The following CNBD1 variants were observed in gnomAD, a reference collection of about 807,000 sequenced individuals.
CNBD1 encodes cyclic nucleotide-binding domain-containing protein 1.
Under a neutral mutation model 54.4 loss-of-function variants are expected in CNBD1, and 71 were observed. The ratio of observed to expected loss-of-function variants is 1.30; its 90% CI spans 1.08 to 1.59. The LOEUF is 1.59. Ranked by LOEUF, CNBD1 falls within the 40% of genes most tolerant of loss-of-function variation. CNBD1 has a pLI of 0.00. For synonymous variants in CNBD1, 182 were observed against 170.7 expected (o/e 1.07, Z -0.51); for missense variants, 659 against 518.0 (o/e 1.27, Z -2.64).
At position 87,217,972 on chromosome 8, in the gene CNBD1, A is replaced by G. The variant is rs186164148; in HGVS notation, c.577+11834A>G. Reference sequence around the variant, plus strand: ...GCAAATTTTAAAAGCTTGATGGTATATAACTTGGAGTCAGAAAAAACACCT... The same window carrying G: ...GCAAATTTTAAAAGCTTGATGGTATGTAACTTGGAGTCAGAAAAAACACCT... On this transcript the variant is annotated intron_variant, in intron 5 of 10. Coordinates refer to ENST00000518476, the MANE Select transcript of CNBD1 (RefSeq NM_173538.3). Among the ~76,000 whole-genome samples the G allele has an allele frequency of 2.1e-3, 320 of 152,240 alleles. 1 individual carries two copies. Among genetic ancestry groups the G allele is most frequent in the Non-Finnish European group, 3.8e-3 (258 of 67,968 alleles).
chr8:86,979,402 C>CAGA (rs1808417401), intron 4 of CNBD1, among the ~76,000 whole-genome samples: 1 of 10,392 alleles, frequency 9.6e-5, no homozygotes, highest in Non-Finnish European at 1.5e-4. Flanking sequence ...ATCATCTCTA[C>CAGA]AAAAAAAAAA....
chr8:87,132,262 TAAC>T (rs1469779246), intron 4 of CNBD1, among the ~76,000 whole-genome samples: 2 of 151,868 alleles, frequency 1.3e-5, no homozygotes, highest in Non-Finnish European at 2.9e-5. Flanking sequence ...AAAATAGCCA[TAAC>T]AACATTTTAG....
chr8:87,357,139 T>G (rs1440631981), intron 10 of CNBD1, among the ~76,000 whole-genome samples: 1 of 152,110 alleles, frequency 6.6e-6, no homozygotes, highest in Non-Finnish European at 1.5e-5. Context: ...CAGAAAGCCT[T>G]CCAGAGAGAA....
intron 4 of CNBD1, among the ~76,000 whole-genome samples, chr8:86,990,273 G>C (rs1233734860): frequency 3.3e-5 from 5 of 152,086 alleles, no homozygotes; most frequent in African/African-American, 1.2e-4. Context: ...TCTTTGCCTA[G>C]ACCAGCGTCC....
chr8:87,302,372 A>G (rs891311307), intron 8 of CNBD1, among the ~76,000 whole-genome samples: 1 of 152,148 alleles, frequency 6.6e-6, no homozygotes, highest in African/African-American at 2.4e-5. Flanking sequence ...ATAGAAACAG[A>G]ACCAATTACA....
intron 1 of CNBD1, 74 bp from the exon 2 acceptor site, chr8:86,887,468 A>G (rs549739886): frequency 1.1e-4 from 98 of 911,160 alleles, no homozygotes; most frequent in Non-Finnish European, 1.5e-4. Flanking sequence ...AATGTTTGCA[A>G]TTAAACTCTA....
chr8:87,327,367 G>T (rs371761784), intron 8 of CNBD1, among the ~76,000 whole-genome samples: 52 of 149,286 alleles, frequency 3.5e-4, no homozygotes, highest in African/African-American at 6.7e-4. Context: ...GTTTACCTAA[G>T]CAAGCCTGGG....
rs776314074 is a variant in CNBD1, at chr8:87,110,694, A to G, written c.432-95299A>G. On this transcript the variant is annotated intron_variant, in intron 4 of 10. Transcript: ENST00000518476. ...GCATAATTTACAAAATATCATCAAC[A>G]TAATGGACTTATTTGATGTTCTTTG... Among the ~76,000 whole-genome samples the G allele has an allele frequency of 5.9e-5, 9 of 152,264 alleles. 1 individual carries two copies. The South Asian group carries it at 6.2e-4, about 10-fold the overall frequency.
At chr8:87,390,656 G>A (rs1212049317) in intron 2 of CNBD1, among the ~76,000 whole-genome samples, 1 of 152,134 alleles carries the variant, frequency 6.6e-6, no homozygotes, top group African/African-American at 2.4e-5. Context: ...CTATAAACTA[G>A]TTCAACCATT....
chr8:87,387,055 C>T (rs1442437457), downstream of CNBD1, among the ~76,000 whole-genome samples: 1 of 152,146 alleles, frequency 6.6e-6, no homozygotes, highest in African/African-American at 2.4e-5. Flanking sequence ...CAAGGAAATG[C>T]TGAGAGATTC....
intron 8 of CNBD1, among the ~76,000 whole-genome samples, chr8:87,296,349 G>A (rs1808875245): frequency 6.6e-6 from 1 of 152,060 alleles, no homozygotes; most frequent in African/African-American, 2.4e-5. Flanking sequence ...AATGAACAAA[G>A]ATAGAGCCCA....
At chr8:87,005,097 G>A (rs1485569362) in intron 4 of CNBD1, among the ~76,000 whole-genome samples, 2 of 151,614 alleles carry the variant, frequency 1.3e-5, no homozygotes, top group Admixed American at 6.6e-5. Context: ...GAAAAAGAAA[G>A]TCTCAGCAGG....
At chr8:87,148,308 G>C (rs1011635041) in intron 4 of CNBD1, among the ~76,000 whole-genome samples, 1 of 152,156 alleles carries the variant, frequency 6.6e-6, no homozygotes, top group Non-Finnish European at 1.5e-5. Context: ...TTGCCTTAGA[G>C]ATGGCGTGAT....
intron 4 of CNBD1, among the ~76,000 whole-genome samples, chr8:87,038,738 G>T (rs1317766710): frequency 6.6e-6 from 1 of 152,160 alleles, no homozygotes; most frequent in Admixed American, 6.5e-5. Context: ...TAAACTAAAT[G>T]TCTTCCAAAG....
chr8:87,351,757 G>A lies in CNBD1; in HGVS notation c.1115G>A (p.Ser372Asn). The A allele has an allele frequency of 6.6e-7, 1 of 1,523,080 alleles. No homozygotes were observed. Among genetic ancestry groups the A allele is most frequent in the Non-Finnish European group, 8.8e-7 (1 of 1,140,970 alleles). 94.3% of individuals were successfully genotyped at this position (1,523,080 alleles called of 1,614,324 possible). A position where few individuals can be genotyped will look rare whatever the true frequency, so the allele number is the denominator to read the frequency against. Residue 372 changes from serine to asparagine, a missense_variant, in exon 9 of 11, where the codon AGT becomes AAT. By Grantham distance (46) the Ser-to-Asn change is conservative. Coordinates refer to ENST00000518476, the MANE Select transcript of CNBD1 (RefSeq NM_173538.3). ...TCTGGATGCTGTAACATTTATAGAA[G>A]TATTATAGGATTTGTGAAACTACGA... ...INSGCCNIYR[S>N]IIGFVKLRSN...
chr8:87,379,081 A>T (rs1250755979), intron 10 of CNBD1, among the ~76,000 whole-genome samples: 1 of 151,244 alleles, frequency 6.6e-6, no homozygotes, highest in Non-Finnish European at 1.5e-5. Context: ...TTCTAGATAT[A>T]CAATCATGTC....
intron 8 of CNBD1, among the ~76,000 whole-genome samples, chr8:87,287,214 G>A (rs1018510624): frequency 6.6e-6 from 1 of 152,118 alleles, no homozygotes; most frequent in Non-Finnish European, 1.5e-5. Context: ...GGATTTCCTG[G>A]ATTATGTGTA....
At chr8:87,271,481 T>C (rs1003609187) in intron 6 of CNBD1, among the ~76,000 whole-genome samples, 4 of 152,020 alleles carry the variant, frequency 2.6e-5, no homozygotes, top group Non-Finnish European at 5.9e-5. Flanking sequence ...TTTTAAATTT[T>C]CTTCTTAAGT....
chr8:87,132,666 A>G (rs1563480823), intron 4 of CNBD1, among the ~76,000 whole-genome samples: 1 of 147,640 alleles, frequency 6.8e-6, no homozygotes, highest in Admixed American at 6.8e-5. Flanking sequence ...TATATCTAAT[A>G]TATATGATAT....
Sources: allele counts gnomAD v4.1 joint callset (sites outside exome capture counted in the v4.1 genomes callset), GRCh38; gene constraint gnomAD v4.1.1; transcripts MANE v1.5; gene names NCBI Gene and HGNC (gene_info 2026-07-23, HGNC 2026-07-21).